CPSF6: variants seen among roughly 807,000 people sequenced by gnomAD.
CPSF6 encodes the protein cleavage and polyadenylation specific factor 6.
CPSF6 carries 10 observed loss-of-function variants against 56.7 expected under a neutral mutation model. The ratio of observed to expected loss-of-function variants is 0.18; its 90% confidence interval spans 0.11 to 0.30. The LOEUF is 0.30. Among genes scored for constraint, CPSF6 ranks in the 10% least tolerant of loss-of-function variants. The pLI is 1.00. For missense variants in CPSF6, 419 were observed against 722.9 expected, an observed-to-expected ratio of 0.58 and a Z score of 4.82; for synonymous variants, 248 against 244.8, an observed-to-expected ratio of 1.01 and a Z score of -0.12.
chr12:69,239,876 C>T (rs1235795968), intron 1 of CPSF6, among the ~76,000 whole-genome samples, 170 bp downstream of exon 1: 3 of 149,280 alleles, frequency 2.0e-5, no homozygotes, highest in African/African-American at 4.9e-5. Flanking sequence ...CCTCGTTCTA[C>T]CGCGTCGTTT....
intron 8 of CPSF6, among the ~76,000 whole-genome samples, chr12:69,262,003 C>G (rs1872762718): frequency 6.6e-6 from 1 of 152,090 alleles, no homozygotes; most frequent in Non-Finnish European, 1.5e-5. Context: ...ACTTTTATAT[C>G]TAAAAAAACC....
At chr12:69,255,661 C>A (rs12821307) in intron 3 of CPSF6, among the ~76,000 whole-genome samples, 9,814 of 152,146 alleles carry the variant, frequency 0.065, 626 homozygotes, top group South Asian at 0.29. Context: ...CCTGTCTCAG[C>A]CTCCCAGCGT....
At chr12:69,265,598 CTTTTT>C (rs56097101) in intron 9 of CPSF6, among the ~76,000 whole-genome samples, 1 of 99,794 alleles carries the variant, frequency 1.0e-5, no homozygotes, top group Non-Finnish European at 2.0e-5. Context: ...TATCTGATTA[CTTTTT>C]TTTTTTTTTT....
intron 1 of CPSF6, among the ~76,000 whole-genome samples, chr12:69,240,592 A>G (rs1222889203): frequency 6.6e-6 from 1 of 152,194 alleles, no homozygotes; most frequent in Non-Finnish European, 1.5e-5. Context: ...AGTGATTAAA[A>G]TGAAAGAACG....
intron 1 of CPSF6, among the ~76,000 whole-genome samples, chr12:69,247,871 A>C (rs558816570): frequency 2.6e-4 from 39 of 152,364 alleles, no homozygotes; most frequent in Admixed American, 1.0e-3. Context: ...AAATGTATTC[A>C]GATTCATTAT....
In CPSF6 at chr12:69,256,766, A is replaced by C; in HGVS notation, c.444A>C (p.Glu148Asp). Residue 148 changes from glutamate to aspartate, a missense_variant, in exon 4 of 10, where the codon GAA (glutamate) becomes GAC (aspartate). By Grantham distance (45) the Glu-to-Asp change is conservative (BLOSUM62 2). Coordinates refer to ENST00000435070, the MANE Select transcript of CPSF6 (RefSeq NM_007007.3). ...KKLMDLLPKR[E>D]LHGQNPVVTP... ...TAATGGATCTGTTACCTAAAAGAGAACTTCATGGTCAGAATCCTGTTGTAA... is the reference window on the plus strand; with the variant it reads ...TAATGGATCTGTTACCTAAAAGAGACCTTCATGGTCAGAATCCTGTTGTAA... 3.1e-6 allele frequency: 5 copies of C among 1,613,778 alleles called. No individual in the cohort carries two copies. The highest frequency in any genetic ancestry group is 4.2e-6 in the Non-Finnish European group (5 of 1,179,704).
intron 1 of CPSF6, among the ~76,000 whole-genome samples, chr12:69,242,764 T>C (rs925793850): frequency 6.6e-6 from 1 of 152,234 alleles, no homozygotes; most frequent in African/African-American, 2.4e-5. Flanking sequence ...TAGCCCAATA[T>C]TTAGTAATTG....
chr12:69,258,172 G>T lies in CPSF6; in HGVS notation c.694+267G>T. 1.6e-6 allele frequency: 2 copies of T among 1,224,174 alleles called. No homozygotes were observed. Among genetic ancestry groups the T allele is most frequent in the South Asian group, 2.6e-5 (2 of 76,830 alleles). 75.8% of individuals were successfully genotyped at this position (1,224,174 alleles called of 1,614,324 possible). On this transcript the variant is annotated intron_variant, in intron 5 of 9. Transcript: ENST00000435070. This position sits in a 1 kb window ranked among gnomAD's most constrained non-coding sequence, Gnocchi z 4.2. ...TCTTTATTTTTCTCCAAACTTGCTT[G>T]ACTTATATATAGAATATTTACATCC... is the stretch of plus-strand genomic sequence containing the variant.
At chr12:69,264,958 G>A (rs1385821026) in intron 9 of CPSF6, among the ~76,000 whole-genome samples, 1 of 152,106 alleles carries the variant, frequency 6.6e-6, no homozygotes, top group African/African-American at 2.4e-5. Flanking sequence ...TAGTAAGGCT[G>A]TATACAAATA....
chr12:69,250,590 C>CAAAAAAAA (rs61337613), intron 1 of CPSF6, among the ~76,000 whole-genome samples: 11 of 48,818 alleles, frequency 2.3e-4, no homozygotes, highest in African/African-American at 4.7e-4. Context: ...CTGGTCTCTA[C>CAAAAAAAA]AAAAAAAAAA....
Position 69,258,593 on chromosome 12 carries a change from G to C in CPSF6, c.698G>C (p.Gly233Ala). The C allele has an allele frequency of 6.3e-7, 1 of 1,597,824 alleles. No individual in the cohort carries two copies. The highest frequency in any genetic ancestry group is 8.5e-7 in the Non-Finnish European group (1 of 1,173,248). Reference protein sequence around the residue: ...PGGPPPPFPAGQTPPRPPLGP... With the variant: ...PGGPPPPFPAAQTPPRPPLGP... ...CTCTTTCTCCTTTGTTTTTTAGCTG[G>C]ACAGACTCCACCACGTCCACCCTTA... Residue 233 changes from glycine (G) to alanine (A), a missense_variant, in exon 6 of 10, where the codon GGA becomes GCA. This residue lies in a region of CPSF6 where 211 missense variants were observed against 296.0 expected (regional missense o/e 0.71). Transcript: ENST00000435070. The surrounding 1 kb of genome is among the most constrained non-coding windows in gnomAD (Gnocchi z 4.2).
At position 69,262,450 on chromosome 12, in the gene CPSF6, G is replaced by A; in HGVS notation, c.1547G>A (p.Arg516His). The part of the protein sequence containing the change: ...SRRHKSRSRD[R>H]HDDYYRERSR... The stretch of plus-strand genomic sequence containing the variant: ...CGTCATAAATCCCGTAGTAGAGACC[G>A]TCATGACGATTATTACAGAGAGAGA... The change falls in exon 9 of 10, where the codon CGT (arginine) becomes CAT (histidine). Residue 516 changes from arginine (R) to histidine (H), a missense_variant. By Grantham distance (29) the Arg-to-His change is conservative (BLOSUM62 0). Transcript: ENST00000435070. 1.2e-6 allele frequency: 2 copies of A among 1,613,844 alleles called. No homozygotes were observed. Among genetic ancestry groups the A allele is most frequent in the Non-Finnish European group, 1.7e-6 (2 of 1,179,842 alleles).
At chr12:69,240,488 C>T (rs1871557123) in intron 1 of CPSF6, among the ~76,000 whole-genome samples, 1 of 152,058 alleles carries the variant, frequency 6.6e-6, no homozygotes, top group Admixed American at 6.5e-5. Flanking sequence ...GATGAAAATA[C>T]CTGTGAAGAT....
intron 1 of CPSF6, among the ~76,000 whole-genome samples, chr12:69,241,377 G>T (rs1275090401): frequency 6.6e-6 from 1 of 152,066 alleles, no homozygotes. Context: ...TTTATCAAAT[G>T]AATATAACTG....
intron 9 of CPSF6, among the ~76,000 whole-genome samples, chr12:69,264,835 T>A (rs1443932691): frequency 6.6e-6 from 1 of 152,172 alleles, no homozygotes; most frequent in East Asian, 1.9e-4. Flanking sequence ...ACCATCATAA[T>A]AAGGTCTGTT....
chr12:69,239,574 A>G lies in CPSF6; in HGVS notation c.-73A>G. ...GCAAGCGCCCCCCCACCGCCGCTAG[A>G]TCCGCTGCTGCTGCCGCGGCGGGCA... On this transcript the variant is annotated 5_prime_UTR_variant, in exon 1 of 10. Transcript: ENST00000435070. 6.6e-7 allele frequency: 1 copy of G among 1,504,298 alleles called. No individual in the cohort carries two copies. The highest frequency in any genetic ancestry group is 8.9e-7 in the Non-Finnish European group (1 of 1,125,352). The allele number at this position is 1,504,298 out of a possible 1,614,324, so 93.2% of individuals were successfully genotyped here. A position where few individuals can be genotyped will look rare whatever the true frequency, so the allele number is the denominator to read the frequency against.
intron 9 of CPSF6, among the ~76,000 whole-genome samples, chr12:69,265,774 G>T (rs1361306186): frequency 2.6e-5 from 4 of 151,590 alleles, no homozygotes; most frequent in Admixed American, 2.0e-4. Flanking sequence ...GGCTAATTTT[G>T]TAGTTTTAGT....
chr12:69,254,548 C>T (rs11177572), intron 3 of CPSF6, among the ~76,000 whole-genome samples: 21,417 of 152,128 alleles, frequency 0.14, 1,590 homozygotes, highest in Non-Finnish European at 0.16. Context: ...TTGTTGTCTC[C>T]TCTTCCAAGC....
intron 1 of CPSF6, among the ~76,000 whole-genome samples, chr12:69,244,266 C>G (rs575788850): frequency 6.6e-6 from 1 of 152,078 alleles, no homozygotes; most frequent in South Asian, 2.1e-4. Flanking sequence ...GATGGAGTCT[C>G]GCTTTGTCAC....
Sources: gnomAD v4.1 joint callset for allele counts (sites outside exome capture counted in the v4.1 genomes callset) on GRCh38, gnomAD v4.1.1 for gene constraint, gnomAD v4.1.1 regional missense constraint, Gnocchi (gnomAD v3.1) non-coding constraint, MANE v1.5 for transcripts, NCBI Gene and HGNC (gene_info 2026-07-23, HGNC 2026-07-21) for gene names.